The following TCERG1L variants were observed in gnomAD, a reference collection of about 807,000 sequenced individuals.
TCERG1L encodes transcription elongation regulator 1 like.
In TCERG1L, 37 loss-of-function variants were observed where a neutral mutation model predicts 56.3. The observed-to-expected ratio is 0.66, with a 90% CI of 0.51 to 0.87. The LOEUF (loss-of-function observed/expected upper bound fraction) is 0.87. Ranked by LOEUF, TCERG1L falls within the 40% of genes least tolerant of loss-of-function variation. The pLI is 0.00. For synonymous variants in TCERG1L, 324 were observed against 326.3 expected (o/e 0.99, Z 0.08); for missense variants, 799 against 774.2 (o/e 1.03, Z -0.38).
chr10:131,137,360 G>A (rs915768431), intron 7 of TCERG1L, among the ~76,000 whole-genome samples: 10 of 152,176 alleles, frequency 6.6e-5, no homozygotes, highest in Admixed American at 2.6e-4. Context: ...CCTCCTGGTC[G>A]TTCCTCCCTG....
At chr10:131,242,367 A>G (rs1451338819) in intron 4 of TCERG1L, among the ~76,000 whole-genome samples, 8 of 152,330 alleles carry the variant, frequency 5.3e-5, no homozygotes, top group Non-Finnish European at 1.0e-4. Context: ...AATGTGTAAG[A>G]GAAAGAAAAT....
At chr10:131,198,457 G>A (rs1845391091) in intron 4 of TCERG1L, among the ~76,000 whole-genome samples, 1 of 152,208 alleles carries the variant, frequency 6.6e-6, no homozygotes, top group South Asian at 2.1e-4. Flanking sequence ...AGGTGTCTCT[G>A]CCCATGCCGC....
intron 1 of TCERG1L, among the ~76,000 whole-genome samples, chr10:131,310,519 C>T (rs755666175): frequency 8.5e-5 from 13 of 152,348 alleles, no homozygotes; most frequent in Non-Finnish European, 1.5e-4. Flanking sequence ...GAATAAAATG[C>T]ACGCTATTCC....
chr10:131,226,981 C>T (rs886392263), intron 4 of TCERG1L, among the ~76,000 whole-genome samples: 1 of 152,244 alleles, frequency 6.6e-6, no homozygotes, highest in African/African-American at 2.4e-5. Flanking sequence ...CTGCTCAGGG[C>T]CAGGTGGGCT....
At chr10:131,222,309 C>T (rs528218717) in intron 4 of TCERG1L, among the ~76,000 whole-genome samples, 54 of 152,354 alleles carry the variant, frequency 3.5e-4, no homozygotes, top group Middle Eastern at 3.4e-3. Context: ...ATATTTTGTG[C>T]GGACAGTGAC....
intron 4 of TCERG1L, among the ~76,000 whole-genome samples, chr10:131,202,950 A>G (rs1367789073): frequency 6.6e-6 from 1 of 152,218 alleles, no homozygotes; most frequent in African/African-American, 2.4e-5. Context: ...TTCATGATTC[A>G]TATTAACCAG....
At position 131,311,644 on chromosome 10, in the gene TCERG1L, C is replaced by T; in HGVS notation, c.-9G>A. 8.9e-7 allele frequency: 1 copy of T among 1,119,708 alleles called. No homozygotes were observed. The allele number at this position is 1,119,708 out of a possible 1,614,324, so 69.4% of individuals were successfully genotyped here. Reference sequence around the variant, plus strand: ...CTGGCGCCCGCCTGCATCCTACATCCCCGCGCTGACGGCGGCGGCGGGGGC... The same window carrying T: ...CTGGCGCCCGCCTGCATCCTACATCTCCGCGCTGACGGCGGCGGCGGGGGC... On this transcript the variant is annotated 5_prime_UTR_variant, in exon 1 of 12. Transcript: ENST00000368642. This position sits in a 1 kb window ranked among gnomAD's most constrained non-coding sequence, Gnocchi z 4.0.
chr10:131,272,480 C>T (rs1338997136), intron 3 of TCERG1L, among the ~76,000 whole-genome samples: 1 of 152,198 alleles, frequency 6.6e-6, no homozygotes, highest in Non-Finnish European at 1.5e-5. Context: ...CCACGGGCCC[C>T]TTTCATCTCC....
intron 3 of TCERG1L, among the ~76,000 whole-genome samples, chr10:131,298,893 T>G (rs1324442482): frequency 6.6e-6 from 1 of 152,218 alleles, no homozygotes; most frequent in Non-Finnish European, 1.5e-5. Flanking sequence ...CTCACTGATA[T>G]TCACAGATGA....
In TCERG1L at chr10:131,311,172, G is replaced by C. The variant is rs1343514955; in HGVS notation, c.342+122C>G. 7.9e-6 allele frequency: 6 copies of C among 762,350 alleles called. No individual in the cohort carries two copies. The East Asian group carries it at 1.4e-4, about 17-fold the overall frequency. The allele number at this position is 762,350 out of a possible 1,614,324, so 47.2% of individuals were successfully genotyped here. ...TGCCGGGCTCCGTCCTGAGGGTTTG[G>C]GGCGGCGAGGACCGCCGGGGAGGAG... On this transcript the variant is annotated intron_variant, in intron 1 of 11. Transcript: ENST00000368642. The surrounding 1 kb of genome is among the most constrained non-coding windows in gnomAD (Gnocchi z 4.0).
intron 4 of TCERG1L, among the ~76,000 whole-genome samples, chr10:131,188,741 C>T (rs999726082): frequency 2.6e-5 from 4 of 151,904 alleles, no homozygotes; most frequent in East Asian, 3.9e-4. Context: ...TCTGAATAGA[C>T]CATATATTCA....
chr10:131,262,358 TA>T (rs1465218998), intron 3 of TCERG1L, among the ~76,000 whole-genome samples: 1 of 152,176 alleles, frequency 6.6e-6, no homozygotes, highest in Admixed American at 6.5e-5. Context: ...AGGAGGTACT[TA>T]ACACTATGAT....
At chr10:131,266,882 G>T (rs549439163) in intron 3 of TCERG1L, among the ~76,000 whole-genome samples, 1 of 152,228 alleles carries the variant, frequency 6.6e-6, no homozygotes, top group East Asian at 1.9e-4. Flanking sequence ...CCTCTGCTCT[G>T]CTCTGGCTGA....
chr10:131,101,793 C>G (rs760261704), intron 10 of TCERG1L, among the ~76,000 whole-genome samples: 25 of 152,148 alleles, frequency 1.6e-4, no homozygotes, highest in African/African-American at 5.8e-4. Flanking sequence ...CTCTGCCTCC[C>G]GGGTTCAAGT....
chr10:131,287,618 TCTGA>T (rs1846560063), intron 3 of TCERG1L, among the ~76,000 whole-genome samples: 1 of 152,166 alleles, frequency 6.6e-6, no homozygotes, highest in Non-Finnish European at 1.5e-5. Flanking sequence ...CAAAGGTCTG[TCTGA>T]CTCACTAGAT....
At chr10:131,295,700 G>T (rs925117456) in intron 3 of TCERG1L, among the ~76,000 whole-genome samples, 3 of 152,100 alleles carry the variant, frequency 2.0e-5, no homozygotes, top group Non-Finnish European at 2.9e-5. Flanking sequence ...CCATCATCTC[G>T]AACATTTACC....
chr10:131,124,689 C>T (rs904964215), intron 8 of TCERG1L, among the ~76,000 whole-genome samples: 1 of 152,144 alleles, frequency 6.6e-6, no homozygotes, highest in African/African-American at 2.4e-5. Flanking sequence ...ACTGCACTGG[C>T]CTCTACAAGC....
chr10:131,153,598 G>A (rs1167636587), intron 6 of TCERG1L, among the ~76,000 whole-genome samples: 1 of 152,186 alleles, frequency 6.6e-6, no homozygotes, highest in Admixed American at 6.5e-5. Flanking sequence ...TTTATATTCA[G>A]CCAAATTTTC....
At chr10:131,242,725 T>G (rs1180390941) in intron 4 of TCERG1L, among the ~76,000 whole-genome samples, 1 of 152,204 alleles carries the variant, frequency 6.6e-6, no homozygotes, top group African/African-American at 2.4e-5. Flanking sequence ...TGTGACTTTT[T>G]GAGTGACAGC....
Sources: gnomAD v4.1 joint callset for allele counts (sites outside exome capture counted in the v4.1 genomes callset) on GRCh38, gnomAD v4.1.1 for gene constraint, Gnocchi (gnomAD v3.1) non-coding constraint, MANE v1.5 for transcripts, NCBI Gene and HGNC (gene_info 2026-07-23, HGNC 2026-07-21) for gene names.